The following OTUD7A variants were observed in gnomAD, a reference collection of about 807,000 sequenced individuals.
OTUD7A encodes the protein OTU deubiquitinase 7A.
A neutral mutation model predicts 65.7 loss-of-function variants in OTUD7A; 12 were observed. The observed-to-expected ratio is 0.18, with a 90% confidence interval of 0.12 to 0.30. The LOEUF (loss-of-function observed/expected upper bound fraction) is 0.30, where lower values mean the gene tolerates loss of function less well. Among genes scored for constraint, OTUD7A ranks in the 10% least tolerant of loss-of-function variants. OTUD7A has a pLI of 1.00. For missense variants in OTUD7A, 1,148 were observed against 1,304.8 expected, an observed-to-expected ratio of 0.88 and a Z score of 1.85; for synonymous variants, 641 against 586.3, an observed-to-expected ratio of 1.09 and a Z score of -1.35.
At chr15:31,600,841 C>T (rs1389367917) in intron 3 of OTUD7A, among the ~76,000 whole-genome samples, 11 of 152,094 alleles carry the variant, frequency 7.2e-5, no homozygotes. Flanking sequence ...TTTAAACCAA[C>T]AAAGATCAAA....
chr15:31,645,179 A>C (rs938701091), intron 3 of OTUD7A, among the ~76,000 whole-genome samples: 4 of 152,194 alleles, frequency 2.6e-5, no homozygotes, highest in African/African-American at 9.7e-5. Context: ...ACGGATTAGA[A>C]ACTTTCTCAA....
Position 31,483,139 on chromosome 15 carries a change from A to G in OTUD7A, c.*155T>C. ...ACCTGAGTGGCGTCAGTGTAGGTTC[A>G]GGCACCATTAGGAACGTTTGACCAA... On this transcript the variant is annotated 3_prime_UTR_variant, in exon 13 of 13. Transcript: ENST00000307050. 1.5e-6 allele frequency: 1 copy of G among 686,078 alleles called. No homozygotes were observed. Among genetic ancestry groups the G allele is most frequent in the Non-Finnish European group, 1.8e-6 (1 of 548,912 alleles). 42.5% of individuals were successfully genotyped at this position (686,078 alleles called of 1,614,324 possible).
intron 1 of OTUD7A, among the ~76,000 whole-genome samples, chr15:31,659,010 C>CATGAATGA (rs200527037): frequency 2.8e-4 from 39 of 141,460 alleles, no homozygotes; most frequent in Admixed American, 1.1e-3. Context: ...CCAGCCTGGG[C>CATGAATGA]ATGAATGAAT....
chr15:31,823,120 A>G (rs1896725800), intron 1 of OTUD7A, among the ~76,000 whole-genome samples: 9 of 152,164 alleles, frequency 5.9e-5, no homozygotes, highest in Admixed American at 5.9e-4. Flanking sequence ...AATACCATAC[A>G]CATAAAGCTC....
intron 1 of OTUD7A, among the ~76,000 whole-genome samples, chr15:31,770,944 T>C (rs548603621): frequency 3.9e-4 from 60 of 152,316 alleles, no homozygotes; most frequent in South Asian, 8.3e-4. Context: ...ACACAGCCTA[T>C]ATCAGACTTG....
intron 4 of OTUD7A, among the ~76,000 whole-genome samples, chr15:31,569,112 A>G (rs537042218): frequency 6.6e-6 from 1 of 152,370 alleles, no homozygotes; most frequent in African/African-American, 2.4e-5. Flanking sequence ...GTGAGTAGCA[A>G]TATATTAGGA....
At chr15:31,592,078 A>G (rs1384891254) in intron 3 of OTUD7A, among the ~76,000 whole-genome samples, 6 of 152,226 alleles carry the variant, frequency 3.9e-5, no homozygotes, top group African/African-American at 1.4e-4. Flanking sequence ...CCATGAATGG[A>G]GCTTACAGGA....
At chr15:31,539,253 T>A (rs1377973348) in intron 5 of OTUD7A, among the ~76,000 whole-genome samples, 1 of 152,134 alleles carries the variant, frequency 6.6e-6, no homozygotes, top group Non-Finnish European at 1.5e-5. Context: ...CCTGGCTCAC[T>A]GCCAGTGTCT....
chr15:31,629,848 C>T (rs1190679570), intron 3 of OTUD7A, among the ~76,000 whole-genome samples: 1 of 152,132 alleles, frequency 6.6e-6, no homozygotes, highest in East Asian at 1.9e-4. Context: ...GGAATTTATC[C>T]ATTTCTTCTA....
At chr15:31,846,283 GC>G (rs549179784) in intron 1 of OTUD7A, among the ~76,000 whole-genome samples, 142 of 152,324 alleles carry the variant, frequency 9.3e-4, no homozygotes, top group African/African-American at 3.3e-3. Context: ...TGGCCCACTG[GC>G]CAGTCTAGAG....
At chr15:31,486,625 GCAGCC>G (rs2041241010) in intron 12 of OTUD7A, among the ~76,000 whole-genome samples, 1 of 152,178 alleles carries the variant, frequency 6.6e-6, no homozygotes, top group Non-Finnish European at 1.5e-5. Flanking sequence ...CTGGAGGCAG[GCAGCC>G]TCATGGGGCG....
At chr15:31,807,033 C>T (rs1024904401) in intron 1 of OTUD7A, among the ~76,000 whole-genome samples, 1 of 152,252 alleles carries the variant, frequency 6.6e-6, no homozygotes. Context: ...TTCCCTCTCC[C>T]ATCTGGAGAT....
intron 1 of OTUD7A, among the ~76,000 whole-genome samples, chr15:31,762,453 C>T (rs993220030): frequency 6.6e-6 from 1 of 152,218 alleles, no homozygotes; most frequent in Non-Finnish European, 1.5e-5. Flanking sequence ...CATAAAGAAC[C>T]AGAAAGACTG....
chr15:31,531,683 C>T (rs1189926641), intron 5 of OTUD7A, among the ~76,000 whole-genome samples: 1 of 152,164 alleles, frequency 6.6e-6, no homozygotes, highest in Non-Finnish European at 1.5e-5. Context: ...CCACCCCTGC[C>T]AGCAAAGTTC....
chr15:31,515,075 T>C (rs2041822188), intron 8 of OTUD7A, among the ~76,000 whole-genome samples: 1 of 152,126 alleles, frequency 6.6e-6, no homozygotes, highest in Non-Finnish European at 1.5e-5. Context: ...TTGAACAACA[T>C]AATGAACAGC....
At chr15:31,567,980 G>A (rs544747045) in intron 4 of OTUD7A, among the ~76,000 whole-genome samples, 5 of 152,390 alleles carry the variant, frequency 3.3e-5, no homozygotes, top group Admixed American at 6.5e-5. Flanking sequence ...TGTCCAGGCA[G>A]AAGCCTGCAG....
intron 3 of OTUD7A, among the ~76,000 whole-genome samples, chr15:31,600,753 G>A (rs1890048858): frequency 6.6e-6 from 1 of 152,084 alleles, no homozygotes; most frequent in African/African-American, 2.4e-5. Context: ...TCAAAATAAA[G>A]GGATGGAGGA....
At chr15:31,504,098 G>T (rs2041518575) in intron 8 of OTUD7A, among the ~76,000 whole-genome samples, 1 of 152,234 alleles carries the variant, frequency 6.6e-6, no homozygotes, top group Non-Finnish European at 1.5e-5. Flanking sequence ...GAGTCTCTCT[G>T]CAGGCGGAGG....
At chr15:31,586,460 G>A (rs12899509) in intron 3 of OTUD7A, among the ~76,000 whole-genome samples, 49,862 of 152,090 alleles carry the variant, frequency 0.33, 10,714 homozygotes, top group African/African-American at 0.61. Flanking sequence ...TCACTCAGGG[G>A]TGGGAGTCAG....
Sources: allele counts gnomAD v4.1 joint callset (sites outside exome capture counted in the v4.1 genomes callset), GRCh38; gene constraint gnomAD v4.1.1; transcripts MANE v1.5; gene names NCBI Gene and HGNC (gene_info 2026-07-23, HGNC 2026-07-21).